Variants in SLC35C1 observed in about 807,000 individuals in gnomAD.
SLC35C1 encodes the protein GDP-fucose transporter 1.
In SLC35C1, 8 loss-of-function variants were observed where a neutral mutation model predicts 23.2. The observed-to-expected ratio is 0.35, with a 90% CI of 0.20 to 0.62. The LOEUF (loss-of-function observed/expected upper bound fraction) is 0.62. Ranked by LOEUF, SLC35C1 falls within the 20% of genes least tolerant of loss-of-function variation. SLC35C1 has a pLI of 0.75. For synonymous variants in SLC35C1, 226 were observed against 225.1 expected (o/e 1.00, Z -0.04); for missense variants, 422 against 478.6 (o/e 0.88, Z 1.10).
rs138126275 is a variant in SLC35C1 at position 45,810,891 on chromosome 11, G to T, written c.651G>T (p.Thr217=). The change falls in exon 2 of 2, where the codon ACG becomes ACT. Residue 217 remains threonine, a synonymous_variant. Coordinates refer to ENST00000314134, the MANE Select transcript of SLC35C1 (RefSeq NM_018389.5). ...TCTCGCTCAACGCCATCTACACCAC[G>T]AAGGTGCTCCCGGCGGTGGACGGCA... ...LCVSLNAIYT[T]KVLPAVDGSI... is the part of the protein sequence containing the mutation. 4 of 1,612,146 alleles carry T rather than the reference G, an allele frequency of 2.5e-6. No individual in the cohort carries two copies. Among genetic ancestry groups the T allele is most frequent in the Non-Finnish European group, 3.4e-6 (4 of 1,180,038 alleles).
chr11:45,810,035 C>G, intron 1 of SLC35C1: 1 of 984,976 alleles, frequency 1.0e-6, no homozygotes, highest in Non-Finnish European at 1.2e-6. Flanking sequence ...AGGACATGAA[C>G]AAGGACACTG....
In SLC35C1 at chr11:45,811,271, A is replaced by G. The variant is rs759504632; in HGVS notation, c.1031A>G (p.Glu344Gly). 1.2e-4 allele frequency: 192 copies of G among 1,580,490 alleles called. No individual in the cohort carries two copies. The highest frequency in any genetic ancestry group is 1.6e-4 in the Non-Finnish European group (187 of 1,164,610). The change falls in exon 2 of 2, where the codon GAG (glutamate) becomes GGG (glycine). Residue 344 changes from glutamate (E) to glycine (G), a missense_variant. Physicochemically the swap from Glu to Gly is moderately conservative, Grantham distance 98. Transcript: ENST00000314134. ...SSAYTWVRGWEMKKTPEEPSP... is the reference protein window; with the variant it reads ...SSAYTWVRGWGMKKTPEEPSP... ...GCCTACACCTGGGTCAGGGGCTGGGAGATGAAGAAGACTCCGGAGGAGCCC... is the reference window on the plus strand; with the variant it reads ...GCCTACACCTGGGTCAGGGGCTGGGGGATGAAGAAGACTCCGGAGGAGCCC...
rs1372477907 is a variant in SLC35C1 at position 45,805,932 on chromosome 11, T to G, written c.131T>G (p.Val44Gly). 12 of 1,614,064 alleles carry G rather than the reference T, an allele frequency of 7.4e-6. No homozygotes were observed. Among genetic ancestry groups the G allele is most frequent in the Non-Finnish European group, 9.3e-6 (11 of 1,180,026 alleles). ...FLLRALQIALVVSLYWVTSIS... is the reference protein window; with the variant it reads ...FLLRALQIALGVSLYWVTSIS... ...CTGCGGGCATTGCAGATCGCGCTGGTGGTCTCCCTCTACTGGGTCACCTCC... is the reference window on the plus strand; with the variant it reads ...CTGCGGGCATTGCAGATCGCGCTGGGGGTCTCCCTCTACTGGGTCACCTCC... The change falls in exon 1 of 2, where the codon GTG (valine) becomes GGG (glycine). Residue 44 changes from valine (V) to glycine (G), a missense_variant. Coordinates refer to ENST00000314134, the MANE Select transcript of SLC35C1 (RefSeq NM_018389.5).
chr11:45,806,488 A>G, intron 1 of SLC35C1, 152 bp downstream of exon 1: 15 of 1,109,836 alleles, frequency 1.4e-5, no homozygotes, highest in Non-Finnish European at 1.7e-5. Context: ...AGAGAGAGCA[A>G]GTAACTTACT....
chr11:45,804,980 G>A (rs1318066783), upstream of SLC35C1: 2 of 985,678 alleles, frequency 2.0e-6, no homozygotes, highest in Non-Finnish European at 2.4e-6. Flanking sequence ...GGCTGCCGAG[G>A]TCCCCCGCCA....
intron 1 of SLC35C1, chr11:45,810,170 C>T (rs776418698): frequency 6.0e-5 from 59 of 985,354 alleles, no homozygotes; most frequent in Non-Finnish European, 7.0e-5. Flanking sequence ...TGGGGAGCCA[C>T]GGAAGCTCTT....
chr11:45,809,926 G>A (rs1040758162), intron 1 of SLC35C1: 1 of 985,340 alleles, frequency 1.0e-6, no homozygotes, highest in Non-Finnish European at 1.2e-6. Context: ...TAAGAGTCCA[G>A]GTTCTGGGAT....
chr11:45,804,891 GGA>G (rs888647742), upstream of SLC35C1: 2 of 985,330 alleles, frequency 2.0e-6, no homozygotes, highest in Non-Finnish European at 2.4e-6. Flanking sequence ...CGGGGCGGAC[GGA>G]GCTGAGGGTG....
upstream of SLC35C1, chr11:45,804,826 G>A: frequency 1.0e-6 from 1 of 985,816 alleles, no homozygotes; most frequent in African/African-American, 1.7e-5. Flanking sequence ...CTGGGTCGGG[G>A]TTCCGGGAAG....
chr11:45,810,872 T>A lies in SLC35C1; in HGVS notation c.632T>A (p.Leu211His). Residue 211 changes from leucine to histidine, a missense_variant, in exon 2 of 2, where the codon CTC (leucine) becomes CAC (histidine). Coordinates refer to ENST00000314134, the MANE Select transcript of SLC35C1 (RefSeq NM_018389.5). ...GTGCTGGCTAGCCTCTGTGTCTCGC[T>A]CAACGCCATCTACACCACGAAGGTG... is the stretch of plus-strand genomic sequence containing the variant. Reference protein sequence around the residue: ...FGVLASLCVSLNAIYTTKVLP... With the variant: ...FGVLASLCVSHNAIYTTKVLP... The A allele has an allele frequency of 6.2e-7, 1 of 1,611,052 alleles. No individual in the cohort carries two copies. The highest frequency in any genetic ancestry group is 2.2e-5 in the East Asian group (1 of 44,788).
At chr11:45,806,743 T>C (rs2085882301) in intron 1 of SLC35C1, 1 of 207,750 alleles carries the variant, frequency 4.8e-6, no homozygotes, top group South Asian at 1.7e-4. Flanking sequence ...AGCTAATAAG[T>C]GGCAGAGCTG....
chr11:45,809,079 A>T lies in SLC35C1; in HGVS notation c.536-1697A>T, dbSNP rs1253461514. ...TAGGAAGTATCCTGTCTCCTTTAAT[A>T]CAACCACCTCCATAACAACTTTCAT... On this transcript the variant is annotated intron_variant, in intron 1 of 1. Transcript: ENST00000314134. 4.6e-5 allele frequency among the ~76,000 whole-genome samples: 7 copies of T among 152,214 alleles called. 1 individual carries two copies. In the East Asian group the frequency reaches 1.3e-3, roughly 29 times the overall value.
intron 1 of SLC35C1, among the ~76,000 whole-genome samples, 193 bp downstream of exon 1, chr11:45,806,529 C>T (rs755771974): frequency 2.0e-5 from 3 of 152,094 alleles, no homozygotes; most frequent in Non-Finnish European, 2.9e-5. Flanking sequence ...GGAGCCCAGC[C>T]GGGGCAAGAA....
Position 45,812,731 on chromosome 11 carries a change from C to T in SLC35C1, c.*1396C>T, listed in dbSNP as rs1184201855. ...GGGTGAGAATTCCAATGTGAATTTG[C>T]AGGGGGAGTGGGGGACACACACAAA... On this transcript the variant is annotated 3_prime_UTR_variant, in exon 2 of 2. Coordinates refer to ENST00000314134, the MANE Select transcript of SLC35C1 (RefSeq NM_018389.5). The T allele has an allele frequency of 1.1e-5, 5 of 448,674 alleles. No homozygotes were observed. Among genetic ancestry groups the T allele is most frequent in the Middle Eastern group, 3.7e-4 (1 of 2,712 alleles). 27.8% of individuals were successfully genotyped at this position (448,674 alleles called of 1,614,324 possible). A position where few individuals can be genotyped will look rare whatever the true frequency, so the allele number is the denominator to read the frequency against.
At chr11:45,808,629 C>T (rs540983206) in intron 1 of SLC35C1, among the ~76,000 whole-genome samples, 4 of 152,356 alleles carry the variant, frequency 2.6e-5, no homozygotes, top group Admixed American at 6.5e-5. Context: ...TGGTGCAGCC[C>T]TCTGCCCCCC....
At chr11:45,810,245 A>C (rs552958665) in intron 1 of SLC35C1, 1 of 985,442 alleles carries the variant, frequency 1.0e-6, no homozygotes, top group Non-Finnish European at 1.2e-6. Context: ...AAGAGATTCT[A>C]ACTTAATGTG....
Position 45,806,027 on chromosome 11 carries a change from G to C in SLC35C1, c.226G>C (p.Val76Leu), listed in dbSNP as rs200202916. ...CCTGCGGCTGGACACCCCCATCTTC[G>C]TCACCTTCTACCAGTGCCTGGTGAC... is the stretch of plus-strand genomic sequence containing the variant. ...PSLRLDTPIF[V>L]TFYQCLVTTL... Residue 76 changes from valine (V) to leucine (L), a missense_variant, in exon 1 of 2, where the codon GTC becomes CTC. Val to Leu is a conservative substitution (Grantham distance 32). Transcript: ENST00000314134. The C allele has an allele frequency of 1.9e-6, 3 of 1,613,770 alleles. No individual in the cohort carries two copies. The highest frequency in any genetic ancestry group is 2.5e-6 in the Non-Finnish European group (3 of 1,180,016).
In SLC35C1 at chr11:45,805,816, T is replaced by C; in HGVS notation, c.15T>C (p.Pro5=). The C allele has an allele frequency of 6.2e-7, 1 of 1,613,664 alleles. No individual in the cohort carries two copies. The highest frequency in any genetic ancestry group is 8.5e-7 in the Non-Finnish European group (1 of 1,179,992). Reference sequence around the variant, plus strand: ...CCTCTGCTACCATGAATAGGGCCCCTCTGAAGCGGTCCAGGATCCTGCACA... The same window carrying C: ...CCTCTGCTACCATGAATAGGGCCCCCCTGAAGCGGTCCAGGATCCTGCACA... MNRA[P]LKRSRILHMA... Residue 5 remains proline (P), a synonymous_variant, in exon 1 of 2, where the codon CCT becomes CCC. Transcript: ENST00000314134.
intron 1 of SLC35C1, chr11:45,806,876 T>G: frequency 1.0e-6 from 1 of 985,196 alleles, no homozygotes; most frequent in Non-Finnish European, 1.2e-6. Flanking sequence ...ACAATACGTC[T>G]TTTAATAAAT....
Sources: allele counts gnomAD v4.1 joint callset (sites outside exome capture counted in the v4.1 genomes callset), GRCh38; gene constraint gnomAD v4.1.1; transcripts MANE v1.5; gene names NCBI Gene and HGNC (gene_info 2026-07-23, HGNC 2026-07-21).